PCSK5: variants seen among roughly 807,000 people sequenced by gnomAD.
PCSK5 encodes prohormone convertase 5.
PCSK5 carries 129 observed loss-of-function variants against 233.2 expected under a neutral mutation model. The ratio of observed to expected loss-of-function variants is 0.55; its 90% CI spans 0.48 to 0.64. The LOEUF is 0.64. Among genes scored for constraint, PCSK5 ranks in the 30% least tolerant of loss-of-function variants. PCSK5 has a pLI of 0.00. For synonymous variants in PCSK5, 825 were observed against 879.2 expected (o/e 0.94, Z 1.09); for missense variants, 2,076 against 2,430.1 (o/e 0.85, Z 3.06).
At chr9:75,939,028 T>C (rs939326602) in intron 2 of PCSK5, among the ~76,000 whole-genome samples, 5 of 152,150 alleles carry the variant, frequency 3.3e-5, no homozygotes, top group Non-Finnish European at 4.4e-5. Context: ...CTATAGTAAA[T>C]TGCACACTCC....
At chr9:75,894,462 G>T (rs1418269728) in intron 1 of PCSK5, among the ~76,000 whole-genome samples, 1 of 152,192 alleles carries the variant, frequency 6.6e-6, no homozygotes, top group East Asian at 1.9e-4. Flanking sequence ...TTGATTTCCA[G>T]AAGGGAACAT....
rs76251879 is a variant in PCSK5, at chr9:75,946,103, A to C, written c.297+13620A>C. ...CCAGCACATAGAAAACCTTCAATAG[A>C]AGAATACATGAATGAATAAATGACA... On this transcript the variant is annotated intron_variant, in intron 2 of 37. Transcript: ENST00000674117. Among the ~76,000 whole-genome samples, 493 of 152,360 alleles carry C rather than the reference A, an allele frequency of 3.2e-3. 7 individuals are homozygous for C. The East Asian group carries it at 0.04, about 12-fold the overall frequency.
intron 17 of PCSK5, among the ~76,000 whole-genome samples, 170 bp from the exon 18 acceptor site, chr9:76,188,408 T>C (rs1824204825): frequency 6.6e-6 from 1 of 152,078 alleles, no homozygotes; most frequent in Non-Finnish European, 1.5e-5. Context: ...ATTATAAGCA[T>C]TGAGAGGAGA....
chr9:75,903,348 A>G (rs1224229210), intron 1 of PCSK5, among the ~76,000 whole-genome samples: 1 of 151,894 alleles, frequency 6.6e-6, no homozygotes, highest in Non-Finnish European at 1.5e-5. Context: ...TAGCATCACA[A>G]AAGAAGTATT....
chr9:75,968,393 A>G (rs1366493391), intron 2 of PCSK5, among the ~76,000 whole-genome samples: 3 of 152,256 alleles, frequency 2.0e-5, no homozygotes, highest in Admixed American at 1.3e-4. Flanking sequence ...CATGTATTGC[A>G]CATCCGTTAT....
intron 2 of PCSK5, among the ~76,000 whole-genome samples, chr9:75,976,627 G>A (rs1008776512): frequency 6.6e-5 from 10 of 151,706 alleles, no homozygotes; most frequent in Non-Finnish European, 1.3e-4. Flanking sequence ...CTTACAAGTT[G>A]TGAAAAAACA....
chr9:76,331,943 A>T (rs541428972), intron 33 of PCSK5, among the ~76,000 whole-genome samples: 1 of 152,344 alleles, frequency 6.6e-6, no homozygotes, highest in African/African-American at 2.4e-5. Context: ...TCAAGGCCCC[A>T]AGTTGGGGAT....
intron 10 of PCSK5, among the ~76,000 whole-genome samples, chr9:76,149,298 A>G (rs1324413682): frequency 2.0e-5 from 3 of 152,190 alleles, no homozygotes; most frequent in Non-Finnish European, 4.4e-5. Flanking sequence ...TGGGTGAAGA[A>G]GGCTCCTTGT....
intron 7 of PCSK5, among the ~76,000 whole-genome samples, chr9:76,078,709 C>A (rs983756073): frequency 6.6e-6 from 1 of 152,084 alleles, no homozygotes; most frequent in Non-Finnish European, 1.5e-5. Flanking sequence ...CAATGTCATG[C>A]TGTTTTGGTT....
At chr9:76,269,484 GAGA>G (rs1827439182) in intron 24 of PCSK5, among the ~76,000 whole-genome samples, 1 of 152,300 alleles carries the variant, frequency 6.6e-6, no homozygotes, top group South Asian at 2.1e-4. Context: ...GTTGACTTTT[GAGA>G]AGGAGAAGAA....
At chr9:75,909,643 T>G (rs989260508) in intron 1 of PCSK5, among the ~76,000 whole-genome samples, 4 of 151,932 alleles carry the variant, frequency 2.6e-5, no homozygotes, top group Non-Finnish European at 4.4e-5. Flanking sequence ...TGCGGTGAGC[T>G]GAGATCGTGC....
intron 2 of PCSK5, among the ~76,000 whole-genome samples, chr9:75,951,053 C>T (rs1021264139): frequency 2.6e-5 from 4 of 152,102 alleles, no homozygotes; most frequent in Non-Finnish European, 5.9e-5. Flanking sequence ...AGAAAGTTTC[C>T]ACCCGGTAGG....
chr9:76,168,706 T>A (rs1823195834), intron 12 of PCSK5, among the ~76,000 whole-genome samples: 1 of 152,208 alleles, frequency 6.6e-6, no homozygotes, highest in Admixed American at 6.5e-5. Context: ...TAGTGGGCAG[T>A]CTTTTTATTG....
intron 10 of PCSK5, among the ~76,000 whole-genome samples, chr9:76,145,668 C>T (rs1823415910): frequency 6.6e-6 from 1 of 152,170 alleles, no homozygotes; most frequent in Non-Finnish European, 1.5e-5. Context: ...AGGGCTCTAA[C>T]TTGCTGTGAC....
rs1402151393 is a variant in PCSK5, at chr9:76,359,763, C to A, written c.*841C>A. The A allele has an allele frequency of 6.6e-6, 1 of 151,732 alleles. No homozygotes were observed. Among genetic ancestry groups the A allele is most frequent in the African/African-American group, 2.4e-5 (1 of 41,380 alleles). 9.4% of individuals were successfully genotyped at this position (151,732 alleles called of 1,614,324 possible). A position where few individuals can be genotyped will look rare whatever the true frequency, so the allele number is the denominator to read the frequency against. ...AAGAAAAATGGCAGTGTTAACCTAA[C>A]ATAAAATGGAATAAAATGACAAACA... is the stretch of plus-strand genomic sequence containing the variant. On this transcript the variant is annotated 3_prime_UTR_variant, in exon 38 of 38. Coordinates refer to ENST00000674117, the MANE Select transcript of PCSK5 (RefSeq NM_001372043.1).
At chr9:76,346,156 A>AT (rs58875155) in intron 35 of PCSK5, among the ~76,000 whole-genome samples, 120,644 of 152,068 alleles carry the variant, frequency 0.79, 49,180 homozygotes, top group East Asian at 0.89. Context: ...TATTTTTCCC[A>AT]CGTTTATTTT....
At chr9:75,903,621 A>C (rs1339382414) in intron 1 of PCSK5, among the ~76,000 whole-genome samples, 1 of 144,982 alleles carries the variant, frequency 6.9e-6, no homozygotes, top group African/African-American at 2.5e-5. Context: ...TTATATATAT[A>C]TATAAAATAA....
intron 5 of PCSK5, among the ~76,000 whole-genome samples, chr9:76,029,836 C>T (rs1363358931): frequency 6.6e-6 from 1 of 152,180 alleles, no homozygotes. Flanking sequence ...CTATTATTGA[C>T]TTTACAAGTC....
intron 1 of PCSK5, among the ~76,000 whole-genome samples, chr9:75,897,313 T>C (rs1825847336): frequency 6.6e-6 from 1 of 151,942 alleles, no homozygotes; most frequent in African/African-American, 2.4e-5. Context: ...GTGTTGTGCC[T>C]GATTCTCCCA....
Sources: allele counts gnomAD v4.1 joint callset (sites outside exome capture counted in the v4.1 genomes callset), GRCh38; gene constraint gnomAD v4.1.1; transcripts MANE v1.5; gene names NCBI Gene and HGNC (gene_info 2026-07-23, HGNC 2026-07-21).